The following MYO5A variants were observed in gnomAD, a reference collection of about 807,000 sequenced individuals.
MYO5A encodes myosin VA, also known as unconventional myosin-Va.
In MYO5A, 98 loss-of-function variants were observed where a neutral mutation model predicts 249.7. That is an observed-to-expected ratio of 0.39 (90% CI 0.33 to 0.46). The LOEUF is 0.46. Ranked by LOEUF, MYO5A falls within the 20% of genes least tolerant of loss-of-function variation. The pLI is 0.98. For missense variants in MYO5A, 1,696 were observed against 2,308.8 expected, an observed-to-expected ratio of 0.73 and a Z score of 5.44; for synonymous variants, 778 against 810.6, an observed-to-expected ratio of 0.96 and a Z score of 0.68.
At chr15:52,524,200 C>G (rs1249937654) in intron 1 of MYO5A, among the ~76,000 whole-genome samples, 1 of 152,160 alleles carries the variant, frequency 6.6e-6, no homozygotes, top group African/African-American at 2.4e-5. Context: ...CCTAATCAAA[C>G]AGCTTCAGGT....
chr15:52,360,368 G>T (rs1023708031), intron 24 of MYO5A, among the ~76,000 whole-genome samples: 15 of 152,318 alleles, frequency 9.8e-5, no homozygotes, highest in African/African-American at 3.6e-4. Flanking sequence ...AGCTTTGAGC[G>T]GTCAGTCACA....
intron 40 of MYO5A, among the ~76,000 whole-genome samples, chr15:52,316,721 T>C (rs2038035203): frequency 6.6e-6 from 1 of 152,240 alleles, no homozygotes; most frequent in African/African-American, 2.4e-5. Context: ...TTATGGAATA[T>C]AAGCTGCATA....
chr15:52,435,265 C>CTTTTTTTT (rs35456308), intron 1 of MYO5A, among the ~76,000 whole-genome samples: 4 of 113,718 alleles, frequency 3.5e-5, no homozygotes, highest in East Asian at 2.8e-4. Flanking sequence ...ACGTTAACCT[C>CTTTTTTTT]TTTTTTTTTT....
intron 21 of MYO5A, 41 bp downstream of exon 21, chr15:52,372,083 T>C (rs1270355504): frequency 1.2e-6 from 2 of 1,612,532 alleles, no homozygotes; most frequent in Non-Finnish European, 1.7e-6. Flanking sequence ...GTGGATTTCT[T>C]CAGGCATACT....
At chr15:52,315,964 G>A (rs1290230294) in intron 40 of MYO5A, among the ~76,000 whole-genome samples, 1 of 152,106 alleles carries the variant, frequency 6.6e-6, no homozygotes. Flanking sequence ...GCTGGGCACT[G>A]TGGCTCACGC....
At chr15:52,324,580 C>A (rs1205331052) in intron 36 of MYO5A, among the ~76,000 whole-genome samples, 1 of 151,960 alleles carries the variant, frequency 6.6e-6, no homozygotes, top group East Asian at 1.9e-4. Context: ...TTTTTTTTTG[C>A]ATGAAATCAT....
At chr15:52,368,018 T>C (rs951696079) in intron 22 of MYO5A, among the ~76,000 whole-genome samples, 10 of 152,160 alleles carry the variant, frequency 6.6e-5, no homozygotes, top group African/African-American at 2.4e-4. Flanking sequence ...ACTCAGCTCA[T>C]CTTTGGAATA....
At chr15:52,377,259 T>C (rs2041464261) in intron 18 of MYO5A, among the ~76,000 whole-genome samples, 1 of 151,672 alleles carries the variant, frequency 6.6e-6, no homozygotes, top group South Asian at 2.1e-4. Flanking sequence ...CTGTCTCTAT[T>C]AAAATACAAA....
Position 52,528,810 on chromosome 15 carries a change from G to A in MYO5A, c.-4C>T, listed in dbSNP as rs890721648. The A allele has an allele frequency of 8.6e-5, 128 of 1,487,254 alleles. No individual in the cohort carries two copies. The highest frequency in any genetic ancestry group is 2.2e-4 in the Middle Eastern group (1 of 4,530). 92.1% of individuals were successfully genotyped at this position (1,487,254 alleles called of 1,614,324 possible). A position where few individuals can be genotyped will look rare whatever the true frequency, so the allele number is the denominator to read the frequency against. On this transcript the variant is annotated 5_prime_UTR_variant, in exon 1 of 42. Transcript: ENST00000399233. ...TGTAGAGCTCCGACGCAGCCATGGC[G>A]GGCCCCGCGCGCCTACGCCCCCCGC...
intron 1 of MYO5A, chr15:52,505,881 G>A: frequency 6.4e-7 from 1 of 1,556,868 alleles, no homozygotes; most frequent in Non-Finnish European, 8.6e-7. Context: ...CCTGGATCAT[G>A]GCATTTAAAT....
chr15:52,497,959 G>A (rs907445934), intron 1 of MYO5A, among the ~76,000 whole-genome samples: 3 of 151,884 alleles, frequency 2.0e-5, no homozygotes, highest in Admixed American at 6.6e-5. Flanking sequence ...GTGTTGCTTC[G>A]AGGGAAATTT....
rs778702778 is a variant in MYO5A at position 52,364,638 on chromosome 15, C to G, written c.3225G>C (p.Arg1075Ser). The change falls in exon 24 of 42, where the codon AGG (arginine) becomes AGC (serine). Residue 1075 changes from arginine (R) to serine (S), a missense_variant. Arg to Ser is a moderately radical substitution (Grantham distance 110). Around this residue, in one of 5 missense-constraint regions of MYO5A, gnomAD observed 412 missense variants for 453.3 expected, o/e 0.91. Coordinates refer to ENST00000399233, the MANE Select transcript of MYO5A (RefSeq NM_001382347.1). The stretch of plus-strand genomic sequence containing the variant: ...CATTCAGAAGGTTCTGATATCTCAG[C>G]CTTTCATCATTAAGGTCGAGTTCCA... ...KQLELDLNDE[R>S]LRYQNLLNEF... 4 of 1,613,764 alleles carry G rather than the reference C, an allele frequency of 2.5e-6. No homozygotes were observed. The highest frequency in any genetic ancestry group is 3.3e-5 in the Admixed American group (2 of 59,996).
chr15:52,390,524 T>C, intron 12 of MYO5A, among the ~76,000 whole-genome samples: 1 of 151,148 alleles, frequency 6.6e-6, no homozygotes, highest in East Asian at 1.9e-4. Flanking sequence ...TGCCATTTCC[T>C]CCAACTTAAT....
intron 25 of MYO5A, among the ~76,000 whole-genome samples, chr15:52,358,341 A>AGTGG (rs2040350218): frequency 6.6e-6 from 1 of 152,214 alleles, no homozygotes. Flanking sequence ...CACTGAGATC[A>AGTGG]ACAGGATGTA....
In MYO5A at chr15:52,397,310, C is replaced by A. The variant is rs956432408; in HGVS notation, c.1210G>T (p.Ala404Ser). Residue 404 changes from alanine (A) to serine (S), a missense_variant, in exon 10 of 42, where the codon GCC becomes TCC. Around this residue, in one of 5 missense-constraint regions of MYO5A, gnomAD observed 185 missense variants for 204.8 expected, o/e 0.90. Coordinates refer to ENST00000399233, the MANE Select transcript of MYO5A (RefSeq NM_001382347.1). ...LQATNARDAL[A>S]KHIYAKLFNW... ...AAGAGCTTGGCATAGATGTGCTTGG[C>A]CAAAGCATCGCGGGCATTCGTGGCC... 4 of 1,613,904 alleles carry A rather than the reference C, an allele frequency of 2.5e-6. No individual in the cohort carries two copies. The highest frequency in any genetic ancestry group is 2.5e-6 in the Non-Finnish European group (3 of 1,179,990).
At chr15:52,331,096 T>C (rs2140959772) in intron 34 of MYO5A, among the ~76,000 whole-genome samples, 1 of 152,358 alleles carries the variant, frequency 6.6e-6, no homozygotes, top group African/African-American at 2.4e-5. Context: ...AGGCCTCATA[T>C]GGCAAAGACC....
At chr15:52,445,265 TTC>T (rs2075864502) in intron 1 of MYO5A, among the ~76,000 whole-genome samples, 1 of 152,176 alleles carries the variant, frequency 6.6e-6, no homozygotes, top group Admixed American at 6.5e-5. Flanking sequence ...TCCGCCCACC[TTC>T]TCTGTCTCTT....
At chr15:52,460,136 G>A (rs1259674123) in intron 1 of MYO5A, among the ~76,000 whole-genome samples, 5 of 151,436 alleles carry the variant, frequency 3.3e-5, no homozygotes, top group African/African-American at 1.2e-4. Flanking sequence ...GATGACGGCC[G>A]GGAAGAGGCG....
intron 1 of MYO5A, among the ~76,000 whole-genome samples, chr15:52,472,251 T>C (rs958204950): frequency 6.6e-6 from 1 of 152,060 alleles, no homozygotes; most frequent in Non-Finnish European, 1.5e-5. Flanking sequence ...GCTAATTTTT[T>C]TGTACTTTTA....
Sources: allele counts gnomAD v4.1 joint callset (sites outside exome capture counted in the v4.1 genomes callset), GRCh38; gene constraint gnomAD v4.1.1; regional missense constraint gnomAD v4.1.1; transcripts MANE v1.5; gene names NCBI Gene and HGNC (gene_info 2026-07-23, HGNC 2026-07-21).